VCPIP1: variants seen among roughly 807,000 people sequenced by gnomAD.
VCPIP1 encodes the protein valosin containing protein interacting protein 1, also known as deubiquitinating protein VCPIP1.
A neutral mutation model predicts 85.0 loss-of-function variants in VCPIP1; 8 were observed. The observed-to-expected ratio is 0.09, with a 90% CI of 0.06 to 0.17. The LOEUF (loss-of-function observed/expected upper bound fraction) is 0.17. Ranked by LOEUF, VCPIP1 falls within the 10% of genes least tolerant of loss-of-function variation. The pLI, the probability that VCPIP1 is intolerant of heterozygous loss-of-function variation, is 1.00. For synonymous variants in VCPIP1, 543 were observed against 544.5 expected (o/e 1.00, Z 0.04); for missense variants, 1,070 against 1,486.3 (o/e 0.72, Z 4.61).
At chr8:66,650,956 G>A (rs1168871155) in intron 2 of VCPIP1, among the ~76,000 whole-genome samples, 3 of 151,220 alleles carry the variant, frequency 2.0e-5, no homozygotes, top group African/African-American at 7.3e-5. Context: ...AGGCCAAGGC[G>A]GGCAGATCAC....
intron 2 of VCPIP1, among the ~76,000 whole-genome samples, chr8:66,644,769 G>A (rs1020152848): frequency 1.3e-5 from 2 of 151,484 alleles, no homozygotes; most frequent in African/African-American, 4.9e-5. Context: ...TCACACATGG[G>A]GTACAAGGGC....
intron 2 of VCPIP1, among the ~76,000 whole-genome samples, chr8:66,645,355 T>C (rs1053967648): frequency 1.3e-5 from 2 of 151,656 alleles, no homozygotes; most frequent in African/African-American, 2.4e-5. Flanking sequence ...GAGGCAGAGG[T>C]TGTGGTGAGC....
At position 66,634,022 on chromosome 8, in the gene VCPIP1, A is replaced by C. The variant is rs1483941021; in HGVS notation, c.*479T>G. 6.5e-6 allele frequency: 1 copy of C among 152,722 alleles called. No homozygotes were observed. The highest frequency in any genetic ancestry group is 2.4e-5 in the African/African-American group (1 of 41,452). The allele number at this position is 152,722 out of a possible 1,614,324, so 9.5% of individuals were successfully genotyped here. On this transcript the variant is annotated 3_prime_UTR_variant, in exon 3 of 3. Transcript: ENST00000310421. ...TTTGCATTCCACTGTCTAATAAATA[A>C]TTGTATGAATTTTAAGATACAATTT...
intron 2 of VCPIP1, among the ~76,000 whole-genome samples, chr8:66,637,549 A>C (rs912540240): frequency 2.0e-5 from 3 of 151,674 alleles, no homozygotes; most frequent in Non-Finnish European, 2.9e-5. Context: ...ACTTCTAAGC[A>C]TAATTGTTTA....
chr8:66,645,759 CAAAAA>C (rs1179669993), intron 2 of VCPIP1, among the ~76,000 whole-genome samples: 3 of 57,488 alleles, frequency 5.2e-5, no homozygotes, highest in African/African-American at 1.5e-4. Flanking sequence ...CCTGTCTCTA[CAAAAA>C]AAAAAAAAAA....
At chr8:66,651,387 T>C in intron 2 of VCPIP1, 71 bp downstream of exon 2, 3 of 1,177,950 alleles carry the variant, frequency 2.5e-6, no homozygotes, top group Non-Finnish European at 3.6e-6. Context: ...TAGAAAACTA[T>C]ATGAACTTTC....
chr8:66,648,241 AT>A (rs566288070), intron 2 of VCPIP1, among the ~76,000 whole-genome samples: 180 of 152,364 alleles, frequency 1.2e-3, no homozygotes, highest in Middle Eastern at 3.4e-3. Context: ...TCAAAAGCAT[AT>A]TAAAACAAAT....
chr8:66,650,077 C>T (rs1811037384), intron 2 of VCPIP1, among the ~76,000 whole-genome samples: 1 of 150,094 alleles, frequency 6.7e-6, no homozygotes, highest in African/African-American at 2.5e-5. Flanking sequence ...TTTAAAGAGT[C>T]CTTATCTTTA....
chr8:66,660,328 A>T (rs1458754721), intron 1 of VCPIP1, among the ~76,000 whole-genome samples: 2 of 152,228 alleles, frequency 1.3e-5, no homozygotes, highest in African/African-American at 4.8e-5. Flanking sequence ...TTTATAATAT[A>T]GTGGGGGAGG....
rs760290558 is a variant in VCPIP1 at position 66,664,677 on chromosome 8, G to A, written c.2282C>T (p.Thr761Ile). ...IRDGPSSAPA[T>I]PTKAPYSPTT... ...CGGTGAATAGGGAGCCTTGGTAGGT[G>A]TAGCAGGTGCAGAGGATGGACCATC... Residue 761 changes from threonine (T) to isoleucine (I), a missense_variant, in exon 1 of 3, where the codon ACA (threonine) becomes ATA (isoleucine). Transcript: ENST00000310421. The A allele has an allele frequency of 2.5e-6, 4 of 1,613,616 alleles. No homozygotes were observed. The highest frequency in any genetic ancestry group is 3.4e-6 in the Non-Finnish European group (4 of 1,179,750).
intron 2 of VCPIP1, among the ~76,000 whole-genome samples, chr8:66,643,884 CAAAAAAAA>C (rs35921029): frequency 2.8e-5 from 2 of 70,512 alleles, no homozygotes; most frequent in South Asian, 5.0e-4. Context: ...AATGGACAGC[CAAAAAAAA>C]AAAAAAAAAA....
At chr8:66,646,037 C>T (rs999861633) in intron 2 of VCPIP1, among the ~76,000 whole-genome samples, 13 of 151,628 alleles carry the variant, frequency 8.6e-5, no homozygotes, top group South Asian at 2.1e-4. Context: ...CAACTTACAA[C>T]GGGTTACAGC....
chr8:66,655,032 A>G (rs1811086600), intron 1 of VCPIP1, among the ~76,000 whole-genome samples: 1 of 152,176 alleles, frequency 6.6e-6, no homozygotes, highest in Non-Finnish European at 1.5e-5. Flanking sequence ...TTTAAAACTC[A>G]ATCTAGGTAT....
At position 66,630,018 on chromosome 8, in the gene VCPIP1, A is replaced by G. The variant is rs1471100833; in HGVS notation, c.*4483T>C. On this transcript the variant is annotated 3_prime_UTR_variant, in exon 3 of 3. Coordinates refer to ENST00000310421, the MANE Select transcript of VCPIP1 (RefSeq NM_025054.5). ...AAACTGAACTATATGTTCATGCATT[A>G]TAATTCCAGGAAACTAAAGAACATA... is the stretch of plus-strand genomic sequence containing the variant. 6.6e-6 allele frequency: 1 copy of G among 152,222 alleles called. No individual in the cohort carries two copies. The highest frequency in any genetic ancestry group is 2.4e-5 in the African/African-American group (1 of 41,470). 9.4% of individuals were successfully genotyped at this position (152,222 alleles called of 1,614,324 possible). A position where few individuals can be genotyped will look rare whatever the true frequency, so the allele number is the denominator to read the frequency against.
rs78764585 is a variant in VCPIP1 at position 66,629,848 on chromosome 8, T to C, written c.*4653A>G. On this transcript the variant is annotated 3_prime_UTR_variant, in exon 3 of 3. Transcript: ENST00000310421. ...GGGCAGCAGAGTGAGACCGTTTTGG[T>C]TTTTTTTTAAATTGCGCACTCTTTT... The C allele has an allele frequency of 2.6e-5, 4 of 151,538 alleles. No homozygotes were observed. The highest frequency in any genetic ancestry group is 9.7e-5 in the African/African-American group (4 of 41,316). 9.4% of individuals were successfully genotyped at this position (151,538 alleles called of 1,614,324 possible).
At chr8:66,651,825 A>C (rs1811056500) in intron 1 of VCPIP1, among the ~76,000 whole-genome samples, 1 of 152,132 alleles carries the variant, frequency 6.6e-6, no homozygotes, top group Non-Finnish European at 1.5e-5. Context: ...CCAAAATTCA[A>C]GTTTTTAATA....
At chr8:66,652,692 A>C (rs1046880131) in intron 1 of VCPIP1, among the ~76,000 whole-genome samples, 2 of 152,180 alleles carry the variant, frequency 1.3e-5, no homozygotes, top group African/African-American at 4.8e-5. Flanking sequence ...AAACCAAGAA[A>C]TAAACAGAAG....
chr8:66,663,816 G>A (rs1187698097), intron 1 of VCPIP1, among the ~76,000 whole-genome samples: 1 of 152,090 alleles, frequency 6.6e-6, no homozygotes, highest in South Asian at 2.1e-4. Context: ...AGTGCAGTGA[G>A]AATATAAACA....
rs1159853742 is a variant in VCPIP1 at position 66,664,341 on chromosome 8, T to C, written c.2618A>G (p.Asp873Gly). The stretch of plus-strand genomic sequence containing the variant: ...TGACAGTTTACCAGTAACAGCAATA[T>C]CTTCTTGTTTCACAGTGTGGGCTGA... Reference protein sequence around the residue: ...AHSAHTVKQEDIAVTGKLSSK... With the variant: ...AHSAHTVKQEGIAVTGKLSSK... Residue 873 changes from aspartate (D) to glycine (G), a missense_variant, in exon 1 of 3, where the codon GAT (aspartate) becomes GGT (glycine). Physicochemically the swap from Asp to Gly is moderately conservative, Grantham distance 94. Transcript: ENST00000310421. 2.5e-6 allele frequency: 4 copies of C among 1,613,012 alleles called. No homozygotes were observed. Among genetic ancestry groups the C allele is most frequent in the Non-Finnish European group, 8.5e-7 (1 of 1,179,092 alleles).
Sources: allele counts gnomAD v4.1 joint callset (sites outside exome capture counted in the v4.1 genomes callset), GRCh38; gene constraint gnomAD v4.1.1; transcripts MANE v1.5; gene names NCBI Gene and HGNC (gene_info 2026-07-23, HGNC 2026-07-21).